NTRK3: variants seen among roughly 807,000 people sequenced by gnomAD.
NTRK3 encodes the protein neurotrophic receptor tyrosine kinase 3, also known as NT-3 growth factor receptor.
In NTRK3, 24 loss-of-function variants were observed where a neutral mutation model predicts 91.7. The ratio of observed to expected loss-of-function variants is 0.26; its 90% CI spans 0.19 to 0.37. The LOEUF is 0.37. Among genes scored for constraint, NTRK3 ranks in the 10% least tolerant of loss-of-function variants. The pLI, the probability that NTRK3 is intolerant of heterozygous loss-of-function variation, is 1.00. For missense variants in NTRK3, 880 were observed against 1,068.9 expected, an observed-to-expected ratio of 0.82 and a Z score of 2.46; for synonymous variants, 483 against 404.0, an observed-to-expected ratio of 1.20 and a Z score of -2.34.
At chr15:88,072,952 T>C in intron 13 of NTRK3, 1 of 219,816 alleles carries the variant, frequency 4.5e-6, no homozygotes, top group Non-Finnish European at 9.1e-6. Context: ...CATCAACCAT[T>C]AGTTTATTCA....
intron 13 of NTRK3, among the ~76,000 whole-genome samples, chr15:88,050,190 T>C (rs1005470002): frequency 6.6e-6 from 1 of 152,184 alleles, no homozygotes; most frequent in Admixed American, 6.5e-5. Context: ...TTTTCTTCAC[T>C]GTCCTTCCCT....
At chr15:88,207,574 G>C (rs1018996941) in intron 3 of NTRK3, among the ~76,000 whole-genome samples, 3 of 152,222 alleles carry the variant, frequency 2.0e-5, no homozygotes, top group African/African-American at 7.2e-5. Flanking sequence ...ATATTAGGGG[G>C]ACAAGAGCTT....
chr15:87,862,210 A>G (rs1411264502), exon 19 of NTRK3: 2 of 222,572 alleles, frequency 9.0e-6, no homozygotes, highest in African/African-American at 2.2e-5. Context: ...AGATTCACTC[A>G]AGAGGACAAG....
At chr15:88,084,707 C>T (rs545920174) in intron 13 of NTRK3, among the ~76,000 whole-genome samples, 1 of 152,218 alleles carries the variant, frequency 6.6e-6, no homozygotes, top group Non-Finnish European at 1.5e-5. Flanking sequence ...TCCCCCTGCC[C>T]TCCAGCCCAG....
chr15:87,889,296 C>A (rs1349210949), intron 17 of NTRK3, among the ~76,000 whole-genome samples: 1 of 152,036 alleles, frequency 6.6e-6, no homozygotes, highest in Non-Finnish European at 1.5e-5. Context: ...GACAGCAAAC[C>A]CAATGAATTA....
At chr15:88,184,954 A>G (rs1367914851) in intron 3 of NTRK3, among the ~76,000 whole-genome samples, 1 of 152,340 alleles carries the variant, frequency 6.6e-6, no homozygotes, top group East Asian at 1.9e-4. Context: ...CATGGAAAGA[A>G]TGGGAACCTG....
chr15:88,153,252 T>A (rs1052478572), intron 5 of NTRK3, among the ~76,000 whole-genome samples: 2 of 152,018 alleles, frequency 1.3e-5, no homozygotes, highest in Non-Finnish European at 2.9e-5. Flanking sequence ...TTGTTTTTTA[T>A]TTTTTTTGAG....
At chr15:88,186,567 C>T (rs2046962529) in intron 3 of NTRK3, among the ~76,000 whole-genome samples, 1 of 152,204 alleles carries the variant, frequency 6.6e-6, no homozygotes, top group African/African-American at 2.4e-5. Flanking sequence ...GGCTCTAAGG[C>T]AGTGGTCGTC....
intron 17 of NTRK3, chr15:87,928,831 TGTA>T (rs1260481531): frequency 4.6e-6 from 2 of 434,552 alleles, no homozygotes; most frequent in East Asian, 8.2e-5. Context: ...AGACATTAAA[TGTA>T]GTATCAAGTT....
At chr15:88,098,355 C>A (rs1041155900) in intron 13 of NTRK3, among the ~76,000 whole-genome samples, 6 of 152,164 alleles carry the variant, frequency 3.9e-5, no homozygotes, top group Non-Finnish European at 8.8e-5. Context: ...AAAATTAATC[C>A]AAATTGGCTG....
chr15:87,876,935 C>G (rs2141434459), exon 19 of NTRK3: 1 of 1,613,880 alleles, frequency 6.2e-7, no homozygotes, highest in Non-Finnish European at 8.5e-7. Flanking sequence ...CCAGCCACCA[C>G]TAGCCAAGAA....
rs370097825 is a variant in NTRK3 at position 87,884,889 on chromosome 15, C to G, written c.2134-4461G>C. Among the ~76,000 whole-genome samples the G allele has an allele frequency of 5.9e-5, 9 of 151,818 alleles. No homozygotes were observed. The East Asian group carries it at 1.3e-3, about 23-fold the overall frequency. On this transcript the variant is annotated intron_variant, in intron 17 of 18. Coordinates refer to ENST00000394480, the Ensembl canonical transcript of NTRK3. ...TAGGAAAATACAAAGTATCTTCTAT[C>G]ACGAATTTTATGTGACATTTTTCAA... is the stretch of plus-strand genomic sequence containing the variant.
chr15:88,230,410 C>T (rs558740397), intron 3 of NTRK3, among the ~76,000 whole-genome samples: 12 of 152,210 alleles, frequency 7.9e-5, no homozygotes, highest in South Asian at 2.1e-4. Context: ...AGATCATGAT[C>T]GCGGAAAGCT....
intron 14 of NTRK3, among the ~76,000 whole-genome samples, chr15:88,028,732 G>A (rs558779847): frequency 2.6e-4 from 40 of 152,272 alleles, no homozygotes; most frequent in African/African-American, 8.9e-4. Flanking sequence ...ACAGAAGGAC[G>A]GGGCAGAGGC....
intron 13 of NTRK3, among the ~76,000 whole-genome samples, chr15:88,101,116 A>G (rs917990792): frequency 3.3e-5 from 5 of 152,240 alleles, no homozygotes; most frequent in African/African-American, 4.8e-5. Context: ...CAATCTACTC[A>G]TCTGACAAAG....
chr15:88,174,062 C>T (rs1272505289), intron 5 of NTRK3, among the ~76,000 whole-genome samples: 1 of 152,138 alleles, frequency 6.6e-6, no homozygotes, highest in Non-Finnish European at 1.5e-5. Context: ...GAATGCCTGC[C>T]CCTCCAGGGA....
chr15:88,238,775 T>G (rs1401901284), intron 3 of NTRK3, among the ~76,000 whole-genome samples: 1 of 152,260 alleles, frequency 6.6e-6, no homozygotes, highest in Non-Finnish European at 1.5e-5. Flanking sequence ...ATGCCGTGAT[T>G]CAGCTCTTGA....
chr15:88,044,394 G>A (rs941195018), intron 13 of NTRK3, among the ~76,000 whole-genome samples: 2 of 150,782 alleles, frequency 1.3e-5, no homozygotes, highest in African/African-American at 4.9e-5. Flanking sequence ...CCGAGTAGCT[G>A]GGACTAAAGG....
intron 5 of NTRK3, among the ~76,000 whole-genome samples, chr15:88,178,758 A>G: frequency 6.6e-6 from 1 of 152,252 alleles, no homozygotes; most frequent in South Asian, 2.1e-4. Context: ...GTTGTAATGT[A>G]ACTGTCATTA....
Sources: gnomAD v4.1 joint callset for allele counts (sites outside exome capture counted in the v4.1 genomes callset) on GRCh38, gnomAD v4.1.1 for gene constraint, MANE v1.5 for transcripts, NCBI Gene and HGNC (gene_info 2026-07-23, HGNC 2026-07-21) for gene names.